TBC1D19: variants seen among roughly 807,000 people sequenced by gnomAD.
The protein encoded by TBC1D19 is TBC1 domain family, member 19.
A neutral mutation model predicts 89.0 loss-of-function variants in TBC1D19; 60 were observed. The ratio of observed to expected loss-of-function variants is 0.67; its 90% CI spans 0.55 to 0.84. TBC1D19 has a LOEUF of 0.84. Among genes scored for constraint, TBC1D19 ranks in the 40% least tolerant of loss-of-function variants. The pLI is 0.00. For synonymous variants in TBC1D19, 189 were observed against 199.7 expected, an observed-to-expected ratio of 0.95 and a Z score of 0.45; for missense variants, 500 against 610.8, an observed-to-expected ratio of 0.82 and a Z score of 1.91.
downstream of TBC1D19, among the ~76,000 whole-genome samples, chr4:26,760,916 G>A (rs747974778): frequency 2.3e-4 from 35 of 152,128 alleles, no homozygotes; most frequent in Admixed American, 5.9e-4. Context: ...TATGGTGCAA[G>A]TTAAGGGTTG....
intron 15 of TBC1D19, among the ~76,000 whole-genome samples, chr4:26,726,132 C>T (rs1717298402): frequency 6.0e-5 from 1 of 16,628 alleles, no homozygotes; most frequent in Non-Finnish European, 1.5e-4. Context: ...TCCCAACACA[C>T]ACACACACAC....
intron 7 of TBC1D19, among the ~76,000 whole-genome samples, chr4:26,651,868 T>C (rs150662396): frequency 0.059 from 9,042 of 152,252 alleles, 310 homozygotes; most frequent in East Asian, 0.11. Context: ...ATAGCTCTTA[T>C]TATTTTGAGA....
rs1280378154 is a variant in TBC1D19 at position 26,620,559 on chromosome 4, A to T, written c.219-54A>T. On this transcript the variant is annotated intron_variant, in intron 3 of 20. Transcript: ENST00000264866. ...ATAACATGGACTACAGAGGTAAGTA[A>T]TATCTAACCAAGAGAATAATGTGTG... The T allele has an allele frequency of 4.1e-6, 6 of 1,457,418 alleles. 1 individual carries two copies. The Admixed American group carries it at 1.0e-4, about 25-fold the overall frequency. 90.3% of individuals were successfully genotyped at this position (1,457,418 alleles called of 1,614,324 possible).
chr4:26,631,410 G>A (rs189842047), intron 4 of TBC1D19, among the ~76,000 whole-genome samples: 1 of 152,152 alleles, frequency 6.6e-6, no homozygotes, highest in Non-Finnish European at 1.5e-5. Context: ...CTTAGTGACA[G>A]GAATGCTGTT....
chr4:26,817,284 C>A, the TBC1D19 span, among the ~76,000 whole-genome samples: 1 of 152,284 alleles, frequency 6.6e-6, no homozygotes, highest in South Asian at 2.1e-4. Context: ...CCCCCTCTCC[C>A]GCACCCCGCC....
intron 1 of TBC1D19, among the ~76,000 whole-genome samples, chr4:26,577,821 G>T (rs1285276034): frequency 6.6e-6 from 1 of 152,086 alleles, no homozygotes; most frequent in Non-Finnish European, 1.5e-5. Flanking sequence ...GGATAAAAAT[G>T]GTGCATTCAT....
At chr4:26,816,111 T>C in the TBC1D19 span, among the ~76,000 whole-genome samples, 1 of 152,296 alleles carries the variant, frequency 6.6e-6, no homozygotes, top group Non-Finnish European at 1.5e-5. Context: ...TCAACTGCCA[T>C]TGTAGTTCAA....
chr4:26,836,412 G>T, the TBC1D19 span, among the ~76,000 whole-genome samples: 1 of 152,190 alleles, frequency 6.6e-6, no homozygotes, highest in East Asian at 1.9e-4. Flanking sequence ...GAAGCTGATG[G>T]TGTTGGAGGG....
chr4:26,792,501 G>C, the TBC1D19 span, among the ~76,000 whole-genome samples: 1 of 152,150 alleles, frequency 6.6e-6, no homozygotes, highest in African/African-American at 2.4e-5. Context: ...GATGAAACAG[G>C]CCCAGCTGGA....
intron 1 of TBC1D19, among the ~76,000 whole-genome samples, chr4:26,587,731 C>T (rs538995294): frequency 6.6e-6 from 1 of 150,630 alleles, no homozygotes; most frequent in Admixed American, 6.6e-5. Flanking sequence ...ATTATTTGCT[C>T]CTTAAATATT....
chr4:26,581,581 T>C (rs1363951757), upstream of TBC1D19, among the ~76,000 whole-genome samples: 2 of 152,250 alleles, frequency 1.3e-5, no homozygotes, highest in Non-Finnish European at 2.9e-5. Context: ...TAGTATTCCA[T>C]GGTGTATATG....
At chr4:26,722,645 A>G (rs988675102) in intron 15 of TBC1D19, among the ~76,000 whole-genome samples, 3 of 152,174 alleles carry the variant, frequency 2.0e-5, no homozygotes, top group Admixed American at 6.5e-5. Flanking sequence ...AGCATATTAT[A>G]ATTTAGCATC....
chr4:26,587,928 A>G (rs1441908012), intron 1 of TBC1D19, among the ~76,000 whole-genome samples: 1 of 151,926 alleles, frequency 6.6e-6, no homozygotes, highest in African/African-American at 2.4e-5. Flanking sequence ...ATTTACTGGT[A>G]TAAAATTGTT....
At chr4:26,787,784 A>G in the TBC1D19 span, among the ~76,000 whole-genome samples, 1 of 152,204 alleles carries the variant, frequency 6.6e-6, no homozygotes, top group Non-Finnish European at 1.5e-5. Flanking sequence ...GACCTTGACA[A>G]CATCCGGACT....
chr4:26,619,496 C>T (rs1011732707), intron 3 of TBC1D19, among the ~76,000 whole-genome samples: 6 of 152,100 alleles, frequency 3.9e-5, no homozygotes, highest in South Asian at 2.1e-4. Context: ...TAAGCCACCA[C>T]GTTTGGCCTT....
chr4:26,763,300 A>G, the TBC1D19 span, among the ~76,000 whole-genome samples: 17 of 152,278 alleles, frequency 1.1e-4, no homozygotes, highest in African/African-American at 3.8e-4. Flanking sequence ...GACATGCCTC[A>G]CTATACCTCT....
intron 13 of TBC1D19, among the ~76,000 whole-genome samples, chr4:26,705,535 C>T (rs1195266796): frequency 2.6e-5 from 4 of 152,278 alleles, no homozygotes; most frequent in Admixed American, 2.6e-4. Flanking sequence ...TGTTGGAAGA[C>T]TGCACTTTCT....
intron 3 of TBC1D19, among the ~76,000 whole-genome samples, chr4:26,617,202 AG>A (rs1741748397): frequency 6.6e-6 from 1 of 152,222 alleles, no homozygotes; most frequent in Non-Finnish European, 1.5e-5. Context: ...AGAGGGCAAG[AG>A]GGGGTTTAAC....
chr4:26,577,470 C>T (rs1254428583), intron 1 of TBC1D19, among the ~76,000 whole-genome samples: 1 of 152,170 alleles, frequency 6.6e-6, no homozygotes, highest in African/African-American at 2.4e-5. Context: ...CCAAACAGTC[C>T]CCTCCTGGGG....
Sources: allele counts gnomAD v4.1 joint callset (sites outside exome capture counted in the v4.1 genomes callset), GRCh38; gene constraint gnomAD v4.1.1; transcripts MANE v1.5; gene names NCBI Gene and HGNC (gene_info 2026-07-23, HGNC 2026-07-21).